HMGA2: variants seen among roughly 807,000 people sequenced by gnomAD.
HMGA2 encodes the protein high mobility group protein HMGI-C.
A neutral mutation model predicts 19.1 loss-of-function variants in HMGA2; 8 were observed. The ratio of observed to expected loss-of-function variants is 0.42; its 90% confidence interval spans 0.25 to 0.76. The LOEUF (loss-of-function observed/expected upper bound fraction) is 0.76, where lower values mean the gene tolerates loss of function less well. Ranked by LOEUF, HMGA2 falls within the 30% of genes least tolerant of loss-of-function variation. The pLI, the probability that HMGA2 is intolerant of heterozygous loss-of-function variation, is 0.28. For synonymous variants in HMGA2, 60 were observed against 48.8 expected (o/e 1.23, Z -0.96); for missense variants, 109 against 136.3 (o/e 0.80, Z 1.00).
chr12:65,878,193 T>C (rs1264939684), intron 3 of HMGA2, among the ~76,000 whole-genome samples: 1 of 152,234 alleles, frequency 6.6e-6, no homozygotes, highest in African/African-American at 2.4e-5. Context: ...TTTAAGCTTC[T>C]TAAAATGGTT....
intron 3 of HMGA2, among the ~76,000 whole-genome samples, chr12:65,885,958 C>A (rs1873640015): frequency 6.6e-6 from 1 of 152,172 alleles, no homozygotes; most frequent in Admixed American, 6.5e-5. Flanking sequence ...GAATAAGCCA[C>A]CCCCTTGTTT....
intron 3 of HMGA2, among the ~76,000 whole-genome samples, chr12:65,871,502 GAC>G (rs1282219993): frequency 6.6e-6 from 1 of 152,196 alleles, no homozygotes; most frequent in African/African-American, 2.4e-5. Flanking sequence ...GTAGAAGCAA[GAC>G]ACCTTTAGCT....
At chr12:65,864,421 A>C in intron 3 of HMGA2, among the ~76,000 whole-genome samples, 1 of 152,194 alleles carries the variant, frequency 6.6e-6, no homozygotes, top group East Asian at 1.9e-4. Flanking sequence ...CCAGAAACAG[A>C]ATTATGAGCA....
chr12:65,828,717 G>T (rs990898199), intron 2 of HMGA2: 3 of 153,582 alleles, frequency 2.0e-5, no homozygotes, highest in Non-Finnish European at 4.3e-5. Flanking sequence ...TTTTCATCAA[G>T]TGACATAGAA....
intron 3 of HMGA2, among the ~76,000 whole-genome samples, chr12:65,864,745 C>T (rs2120999749): frequency 6.6e-6 from 1 of 152,238 alleles, no homozygotes; most frequent in East Asian, 1.9e-4. Context: ...ATGTGCAGTG[C>T]CATTGAACAG....
intron 2 of HMGA2, among the ~76,000 whole-genome samples, chr12:65,837,474 A>G (rs893148788): frequency 3.3e-5 from 5 of 152,220 alleles, no homozygotes; most frequent in African/African-American, 7.2e-5. Context: ...TCAGATAACA[A>G]AAGTAAAATG....
At position 65,911,454 on chromosome 12, in the gene HMGA2, C is replaced by A. The variant is rs183052417; in HGVS notation, c.250-39929C>A. ...AACAGGTGATAGGGTAATTAGCATC[C>A]ACATCCTCTACTCAACAGAGCAGCT... On this transcript the variant is annotated intron_variant, in intron 3 of 4. Coordinates refer to ENST00000403681, the MANE Select transcript of HMGA2 (RefSeq NM_003483.6). Among the ~76,000 whole-genome samples, 64 of 152,216 alleles carry A rather than the reference C, an allele frequency of 4.2e-4. No homozygotes were observed. The East Asian group carries it at 0.012, about 29-fold the overall frequency.
chr12:65,837,383 T>A (rs1870779802), intron 2 of HMGA2, among the ~76,000 whole-genome samples: 1 of 152,188 alleles, frequency 6.6e-6, no homozygotes, highest in African/African-American at 2.4e-5. Flanking sequence ...CCAGGCAGAT[T>A]GAAGAGAAAA....
At chr12:65,955,897 A>G (rs1876592000) in intron 4 of HMGA2, 1 of 152,206 alleles carries the variant, frequency 6.6e-6, no homozygotes, top group South Asian at 2.1e-4. Context: ...AAGGATGTTT[A>G]TATTTCAGAC....
At chr12:65,893,576 T>C (rs1323016283) in intron 3 of HMGA2, among the ~76,000 whole-genome samples, 2 of 152,188 alleles carry the variant, frequency 1.3e-5, no homozygotes, top group Non-Finnish European at 2.9e-5. Context: ...TTGCAAACAT[T>C]GTAGGGTTTC....
chr12:65,887,415 C>T lies in HMGA2; in HGVS notation c.249+48846C>T, dbSNP rs565375321. Among the ~76,000 whole-genome samples the T allele has an allele frequency of 9.9e-5, 15 of 152,130 alleles. No homozygotes were observed. In the South Asian group the frequency reaches 2.9e-3, roughly 30 times the overall value. ...CCAGCCTGGCAACATGGCAAAACCC[C>T]GTCTCTACTAAAAATATGAAAATTA... On this transcript the variant is annotated intron_variant, in intron 3 of 4. Transcript: ENST00000403681.
intron 3 of HMGA2, among the ~76,000 whole-genome samples, chr12:65,919,380 A>T (rs1565732526): frequency 6.7e-6 from 1 of 149,916 alleles, no homozygotes; most frequent in African/African-American, 2.5e-5. Context: ...TATCTACTTT[A>T]AAAAAAAAAT....
intron 3 of HMGA2, among the ~76,000 whole-genome samples, chr12:65,906,781 G>A (rs1239529791): frequency 6.6e-6 from 1 of 152,208 alleles, no homozygotes; most frequent in South Asian, 2.1e-4. Flanking sequence ...GTTCTGTAGA[G>A]TAAGGATTTT....
At chr12:65,855,982 A>T (rs1225203577) in intron 3 of HMGA2, 2 of 151,392 alleles carry the variant, frequency 1.3e-5, no homozygotes, top group African/African-American at 4.9e-5. Context: ...GGTAACTATT[A>T]TCTTATTTAA....
chr12:65,923,732 G>A (rs142377909), intron 3 of HMGA2, among the ~76,000 whole-genome samples: 40 of 152,264 alleles, frequency 2.6e-4, no homozygotes, highest in African/African-American at 7.9e-4. Context: ...CATTCTCGCC[G>A]GGTGCGGCAG....
chr12:65,903,096 A>G (rs1874440953), intron 3 of HMGA2, among the ~76,000 whole-genome samples: 1 of 152,170 alleles, frequency 6.6e-6, no homozygotes, highest in South Asian at 2.1e-4. Flanking sequence ...TTTTTTAAAG[A>G]AACAAGCACC....
chr12:65,963,210 T>C (rs765484518), intron 4 of HMGA2, 35 bp from the exon 5 acceptor site: 29 of 1,606,404 alleles, frequency 1.8e-5, no homozygotes, highest in Non-Finnish European at 2.3e-5. Context: ...AGTATAACGA[T>C]TGAGCGTCAT....
In HMGA2 at chr12:65,825,107, C is replaced by T; in HGVS notation, c.-164C>T. ...GCTGGACGTCCGGTGTTGATGGTGGCAGCGGCGGCAGCCTAAGCAACAGCA... is the reference window on the plus strand; with the variant it reads ...GCTGGACGTCCGGTGTTGATGGTGGTAGCGGCGGCAGCCTAAGCAACAGCA... On this transcript the variant is annotated 5_prime_UTR_variant, in exon 1 of 5. Transcript: ENST00000403681. This position sits in a 1 kb window ranked among gnomAD's most constrained non-coding sequence, Gnocchi z 4.4. The T allele has an allele frequency of 1.9e-6, 1 of 533,236 alleles. No homozygotes were observed. The highest frequency in any genetic ancestry group is 3.2e-6 in the Non-Finnish European group (1 of 308,190). The allele number at this position is 533,236 out of a possible 1,614,324, so 33.0% of individuals were successfully genotyped here.
At chr12:65,844,464 A>T (rs1871151435) in intron 3 of HMGA2, among the ~76,000 whole-genome samples, 1 of 152,238 alleles carries the variant, frequency 6.6e-6, no homozygotes, top group Non-Finnish European at 1.5e-5. Context: ...TTATTTTAAT[A>T]GTTTACCACA....
Sources: gnomAD v4.1 joint callset for allele counts (sites outside exome capture counted in the v4.1 genomes callset) on GRCh38, gnomAD v4.1.1 for gene constraint, Gnocchi (gnomAD v3.1) non-coding constraint, MANE v1.5 for transcripts, NCBI Gene and HGNC (gene_info 2026-07-23, HGNC 2026-07-21) for gene names.